The following SNTG1 variants were observed in gnomAD, a reference collection of about 807,000 sequenced individuals.
SNTG1 encodes the protein gamma-1-syntrophin.
Under a neutral mutation model 74.7 loss-of-function variants are expected in SNTG1, and 39 were observed. The ratio of observed to expected loss-of-function variants is 0.52; its 90% CI spans 0.40 to 0.68. SNTG1 has a LOEUF of 0.68. Ranked by LOEUF, SNTG1 falls within the 30% of genes least tolerant of loss-of-function variation. The pLI, the probability that SNTG1 is intolerant of heterozygous loss-of-function variation, is 0.00. For missense variants in SNTG1, 685 were observed against 609.5 expected (o/e 1.12, Z -1.30); for synonymous variants, 254 against 217.1 (o/e 1.17, Z -1.49).
chr8:49,971,013 A>G (rs1363440461), intron 1 of SNTG1, among the ~76,000 whole-genome samples: 1 of 152,180 alleles, frequency 6.6e-6, no homozygotes, highest in Non-Finnish European at 1.5e-5. Context: ...TCCCTAACTC[A>G]TTTTATGAGG....
At chr8:50,085,089 A>G (rs986607527) in intron 1 of SNTG1, among the ~76,000 whole-genome samples, 1 of 152,252 alleles carries the variant, frequency 6.6e-6, no homozygotes, top group African/African-American at 2.4e-5. Context: ...GGAAGCTGGT[A>G]TGCTTTGTCT....
intron 8 of SNTG1, among the ~76,000 whole-genome samples, chr8:50,481,185 A>G (rs1025895101): frequency 5.3e-5 from 8 of 152,182 alleles, no homozygotes; most frequent in Non-Finnish European, 2.9e-5. Flanking sequence ...GATTGAGACC[A>G]TCCTGGCCAA....
chr8:50,361,701 A>G (rs374341568), intron 2 of SNTG1, among the ~76,000 whole-genome samples: 1 of 152,096 alleles, frequency 6.6e-6, no homozygotes, highest in Non-Finnish European at 1.5e-5. Flanking sequence ...GAAATTTTTC[A>G]GTTCCTTTAT....
At chr8:50,416,379 T>G (rs2093013881) in intron 4 of SNTG1, among the ~76,000 whole-genome samples, 1 of 152,224 alleles carries the variant, frequency 6.6e-6, no homozygotes, top group South Asian at 2.1e-4. Context: ...ACAGTGGGCT[T>G]GGATCCACAT....
intron 2 of SNTG1, among the ~76,000 whole-genome samples, chr8:50,269,509 A>C (rs1257694790): frequency 2.0e-5 from 3 of 152,142 alleles, no homozygotes. Flanking sequence ...ATTCATTCTT[A>C]CAACTGCTTG....
At chr8:50,093,076 G>A (rs984896364) in intron 1 of SNTG1, among the ~76,000 whole-genome samples, 3 of 152,010 alleles carry the variant, frequency 2.0e-5, no homozygotes, top group African/African-American at 7.3e-5. Flanking sequence ...GATTCTAGTT[G>A]TGGAGCACAT....
At chr8:50,624,881 T>C (rs1042043540) in intron 13 of SNTG1, among the ~76,000 whole-genome samples, 1 of 152,168 alleles carries the variant, frequency 6.6e-6, no homozygotes, top group African/African-American at 2.4e-5. Context: ...AGTGACTCTG[T>C]CTTCCACACG....
chr8:50,765,444 G>A (rs752241781), intron 18 of SNTG1, among the ~76,000 whole-genome samples: 7 of 151,904 alleles, frequency 4.6e-5, no homozygotes, highest in Non-Finnish European at 8.8e-5. Flanking sequence ...CAGAGAACTT[G>A]TCACGTGTTG....
At chr8:50,745,238 T>C (rs1037439060) in intron 17 of SNTG1, among the ~76,000 whole-genome samples, 1 of 151,794 alleles carries the variant, frequency 6.6e-6, no homozygotes, top group Non-Finnish European at 1.5e-5. Context: ...AAATAGAACA[T>C]GAGTAGATAT....
chr8:49,959,610 T>C (rs1416254722), intron 1 of SNTG1, among the ~76,000 whole-genome samples: 1 of 152,242 alleles, frequency 6.6e-6, no homozygotes, highest in Non-Finnish European at 1.5e-5. Flanking sequence ...CCATGTTGTG[T>C]AGCACGTGTC....
intron 8 of SNTG1, among the ~76,000 whole-genome samples, chr8:50,465,929 A>G (rs1780275158): frequency 6.6e-6 from 1 of 152,128 alleles, no homozygotes; most frequent in South Asian, 2.1e-4. Flanking sequence ...ATGTGTGGAC[A>G]TATTTTTAGA....
intron 1 of SNTG1, among the ~76,000 whole-genome samples, chr8:50,064,873 A>G (rs1820775888): frequency 6.6e-6 from 1 of 152,192 alleles, no homozygotes; most frequent in Non-Finnish European, 1.5e-5. Flanking sequence ...TGTCCACATC[A>G]CCATGTTTTA....
chr8:50,565,463 T>A (rs1254406342), intron 12 of SNTG1, among the ~76,000 whole-genome samples: 1 of 152,092 alleles, frequency 6.6e-6, no homozygotes, highest in South Asian at 2.1e-4. Flanking sequence ...TGTATGTTTT[T>A]TGTAAATCCA....
chr8:50,568,276 A>G (rs915296483), intron 12 of SNTG1, among the ~76,000 whole-genome samples: 2 of 148,336 alleles, frequency 1.3e-5, no homozygotes, highest in Non-Finnish European at 3.0e-5. Context: ...CCATCTATCT[A>G]TCTACCATTG....
intron 1 of SNTG1, among the ~76,000 whole-genome samples, chr8:50,158,438 A>G (rs1164829894): frequency 6.6e-6 from 1 of 152,116 alleles, no homozygotes; most frequent in African/African-American, 2.4e-5. Flanking sequence ...GGGATTGACA[A>G]TACTCAGTGA....
chr8:49,919,380 G>A (rs1030540234), intron 1 of SNTG1, among the ~76,000 whole-genome samples: 1 of 152,060 alleles, frequency 6.6e-6, no homozygotes, highest in African/African-American at 2.4e-5. Context: ...GACTAGCATA[G>A]TGCAGTTTTC....
rs191741961 is a variant in SNTG1 at position 49,990,372 on chromosome 8, T to A, written c.-103+78141T>A. Among the ~76,000 whole-genome samples the A allele has an allele frequency of 2.6e-5, 4 of 152,170 alleles. No individual in the cohort carries two copies. In the East Asian group the frequency reaches 7.7e-4, roughly 29 times the overall value. Reference sequence around the variant, plus strand: ...ATATTGATCAAAAGATTTTATACAATCTTTATTAGATTCTAGCTTGGTTAC... The same window carrying A: ...ATATTGATCAAAAGATTTTATACAAACTTTATTAGATTCTAGCTTGGTTAC... On this transcript the variant is annotated intron_variant, in intron 1 of 18. Transcript: ENST00000642720.
chr8:50,436,589 T>C (rs1314114891), intron 4 of SNTG1, among the ~76,000 whole-genome samples: 1 of 152,142 alleles, frequency 6.6e-6, no homozygotes, highest in African/African-American at 2.4e-5. Flanking sequence ...AAACAGAGGC[T>C]TATAAGTAAT....
At chr8:50,323,691 T>C (rs1045896405) in intron 2 of SNTG1, among the ~76,000 whole-genome samples, 1 of 152,162 alleles carries the variant, frequency 6.6e-6, no homozygotes, top group African/African-American at 2.4e-5. Flanking sequence ...GATGTGGTGA[T>C]GCAAGCACCT....
Sources: allele counts gnomAD v4.1 joint callset (sites outside exome capture counted in the v4.1 genomes callset), GRCh38; gene constraint gnomAD v4.1.1; transcripts MANE v1.5; gene names NCBI Gene and HGNC (gene_info 2026-07-23, HGNC 2026-07-21).